GPRC6A: variants seen among roughly 807,000 people sequenced by gnomAD.
GPRC6A encodes the protein G protein-coupled receptor class C group 6 member A.
GPRC6A carries 54 observed loss-of-function variants against 47.0 expected under a neutral mutation model. The observed-to-expected ratio is 1.15, with a 90% CI of 0.92 to 1.44. The LOEUF (loss-of-function observed/expected upper bound fraction) is 1.44. GPRC6A is among the 40% of genes most tolerant of loss of function. The pLI is 0.00. For synonymous variants in GPRC6A, 347 were observed against 377.1 expected (o/e 0.92, Z 0.93); for missense variants, 1,112 against 1,105.5 (o/e 1.01, Z -0.08).
rs1400112696 is a variant in GPRC6A at position 116,800,579 on chromosome 6, G to A, written c.1548+5C>T. Reference sequence around the variant, plus strand: ...GTGCTACAAAACGGCCTACAACAAGGTTACCTTAAGATTCCTGAACTCATT... The same window carrying A: ...GTGCTACAAAACGGCCTACAACAAGATTACCTTAAGATTCCTGAACTCATT... On this transcript the variant is annotated splice_donor_5th_base_variant and intron_variant, in intron 4 of 5. Coordinates refer to ENST00000310357, the MANE Select transcript of GPRC6A (RefSeq NM_148963.4). The A allele has an allele frequency of 5.0e-6, 8 of 1,605,074 alleles. No individual in the cohort carries two copies. The South Asian group carries it at 8.8e-5, about 18-fold the overall frequency.
Position 116,792,921 on chromosome 6 carries a change from C to T in GPRC6A, c.2002G>A (p.Val668Met), listed in dbSNP as rs1198582579. The T allele has an allele frequency of 6.2e-7, 1 of 1,614,100 alleles. No homozygotes were observed. Among genetic ancestry groups the T allele is most frequent in the Admixed American group, 1.7e-5 (1 of 59,982 alleles). Reference protein sequence around the residue: ...TCKTRQTMFGVSFTLCISCIL... With the variant: ...TCKTRQTMFGMSFTLCISCIL... ...CAGGAGATGCAAAGAGTAAAGCTCA[C>T]TCCAAACATTGTCTGCCTGGTTTTA... Residue 668 changes from valine to methionine, a missense_variant, in exon 6 of 6, where the codon GTG becomes ATG. By Grantham distance (21) the Val-to-Met change is conservative. Transcript: ENST00000310357.
intron 1 of GPRC6A, among the ~76,000 whole-genome samples, chr6:116,817,629 T>C (rs1773273148): frequency 6.6e-6 from 1 of 152,014 alleles, no homozygotes; most frequent in Admixed American, 6.6e-5. Flanking sequence ...GTTGAAAACT[T>C]TGAAAAAAAT....
Position 116,818,262 on chromosome 6 carries a change from C to T in GPRC6A, c.195-8645G>A, listed in dbSNP as rs190268585. On this transcript the variant is annotated intron_variant, in intron 1 of 5. Transcript: ENST00000310357. The stretch of plus-strand genomic sequence containing the variant: ...AAAGAAAAGAATTTTCGGCCGGGCG[C>T]GGTGGCTCACGCCTGTAATCCCAGC... Among the ~76,000 whole-genome samples, 687 of 151,918 alleles carry T rather than the reference C, an allele frequency of 4.5e-3. 5 individuals carry two copies. Among genetic ancestry groups the T allele is most frequent in the African/African-American group, 0.016 (645 of 41,454 alleles).
At chr6:116,825,617 T>C (rs1212379876) in intron 1 of GPRC6A, among the ~76,000 whole-genome samples, 2 of 151,896 alleles carry the variant, frequency 1.3e-5, no homozygotes, top group African/African-American at 4.8e-5. Context: ...GAAAAAATAA[T>C]AGTGTTAAAA....
intron 1 of GPRC6A, among the ~76,000 whole-genome samples, chr6:116,818,176 G>A (rs186535827): frequency 0.11 from 17,458 of 151,890 alleles, 1,271 homozygotes; most frequent in African/African-American, 0.21. Flanking sequence ...GACTAACAGC[G>A]GATCTCTCAG....
At chr6:116,803,113 A>G (rs1192890414) in intron 3 of GPRC6A, among the ~76,000 whole-genome samples, 1 of 152,088 alleles carries the variant, frequency 6.6e-6, no homozygotes, top group East Asian at 1.9e-4. Flanking sequence ...CCAGCTTGAC[A>G]AATGACACCA....
rs1773766683 is a variant in GPRC6A at position 116,829,081 on chromosome 6, G to T, written c.-68C>A. On this transcript the variant is annotated 5_prime_UTR_variant, in exon 1 of 6. Coordinates refer to ENST00000310357, the MANE Select transcript of GPRC6A (RefSeq NM_148963.4). ...CATTAAGTGCACGGAGTGCCAGCAA[G>T]ATTCCTATTTCACCTGTAAACACCT... 1 of 1,528,670 alleles carries T rather than the reference G, an allele frequency of 6.5e-7. No homozygotes were observed. The highest frequency in any genetic ancestry group is 1.4e-5 in the African/African-American group (1 of 71,854). 94.7% of individuals were successfully genotyped at this position (1,528,670 alleles called of 1,614,324 possible). A position where few individuals can be genotyped will look rare whatever the true frequency, so the allele number is the denominator to read the frequency against.
chr6:116,825,274 T>C (rs1005513481), intron 1 of GPRC6A, among the ~76,000 whole-genome samples: 3 of 152,018 alleles, frequency 2.0e-5, no homozygotes, highest in Non-Finnish European at 2.9e-5. Context: ...GGCATACACA[T>C]TGAAATAGAG....
rs1356758335 is a variant in GPRC6A at position 116,824,324 on chromosome 6, A to T, written c.194+4496T>A. On this transcript the variant is annotated intron_variant, in intron 1 of 5. Coordinates refer to ENST00000310357, the MANE Select transcript of GPRC6A (RefSeq NM_148963.4). ...TGAAAAGTTGATTCTTCAAAAAGAT[A>T]AAAAAAATTTATAAATCATTAGCTA... 2.6e-5 allele frequency among the ~76,000 whole-genome samples: 4 copies of T among 151,812 alleles called. No individual in the cohort carries two copies. In the East Asian group the frequency reaches 5.8e-4, roughly 22 times the overall value.
At chr6:116,800,423 G>A (rs1244250235) in intron 4 of GPRC6A, among the ~76,000 whole-genome samples, 161 bp downstream of exon 4, 1 of 105,248 alleles carries the variant, frequency 9.5e-6, no homozygotes, top group African/African-American at 3.6e-5. Flanking sequence ...TTCCTCTTTT[G>A]CCAACTTCAG....
chr6:116,818,991 C>T (rs886858840), intron 1 of GPRC6A, among the ~76,000 whole-genome samples: 10 of 151,656 alleles, frequency 6.6e-5, no homozygotes, highest in African/African-American at 2.2e-4. Flanking sequence ...CACATAGGCT[C>T]AAAATAAAAG....
At position 116,800,739 on chromosome 6, in the gene GPRC6A, C is replaced by T; in HGVS notation, c.1393G>A (p.Asp465Asn). ...FTDGWNSFHF[D>N]AHGDLNTGYD... ...CCAGTATTTAAATCCCCGTGAGCAT[C>T]AAAATGAAATGAATTCCATCCATCA... Residue 465 changes from aspartate (D) to asparagine (N), a missense_variant, in exon 4 of 6, where the codon GAT (aspartate) becomes AAT (asparagine). Asp to Asn is a conservative substitution (Grantham distance 23, BLOSUM62 1). Coordinates refer to ENST00000310357, the MANE Select transcript of GPRC6A (RefSeq NM_148963.4). 21 of 1,611,492 alleles carry T rather than the reference C, an allele frequency of 1.3e-5. No individual in the cohort carries two copies. Among genetic ancestry groups the T allele is most frequent in the Non-Finnish European group, 1.7e-5 (20 of 1,178,184 alleles).
chr6:116,798,190 A>C (rs981992682), intron 4 of GPRC6A, among the ~76,000 whole-genome samples: 1 of 151,956 alleles, frequency 6.6e-6, no homozygotes, highest in African/African-American at 2.4e-5. Context: ...AAAAATAAGG[A>C]TAGGACAGTG....
At chr6:116,817,284 T>A (rs200019810) in intron 1 of GPRC6A, among the ~76,000 whole-genome samples, 2 of 151,518 alleles carry the variant, frequency 1.3e-5, no homozygotes, top group African/African-American at 4.9e-5. Flanking sequence ...CACACTGACA[T>A]CTCACACGGC....
chr6:116,806,323 G>C (rs746745050), intron 3 of GPRC6A, 47 bp downstream of exon 3: 16 of 1,200,476 alleles, frequency 1.3e-5, no homozygotes, highest in Admixed American at 2.1e-5. Context: ...GGAGGAAATG[G>C]GGAAAATGAT....
In GPRC6A at chr6:116,809,522, T is replaced by C; in HGVS notation, c.290A>G (p.Tyr97Cys). Residue 97 changes from tyrosine to cysteine, a missense_variant, in exon 2 of 6, where the codon TAT (tyrosine) becomes TGT (cysteine). Transcript: ENST00000310357. ...TTCTGTACAAGTGTCATAGATTTCATACCCCAGTTTGACTCCAGGTAAGAG... is the reference window on the plus strand; with the variant it reads ...TTCTGTACAAGTGTCATAGATTTCACACCCCAGTTTGACTCCAGGTAAGAG... ...STLLPGVKLG[Y>C]EIYDTCTEVT... 6.2e-7 allele frequency: 1 copy of C among 1,613,202 alleles called. No homozygotes were observed. The highest frequency in any genetic ancestry group is 8.5e-7 in the Non-Finnish European group (1 of 1,179,302).
chr6:116,828,928 GC>G lies in GPRC6A; in HGVS notation c.85del (p.Ala29LeufsTer9). Reference protein sequence around the residue: ...QPCQTPDDFVAATSPGHIIIG... With the variant: ...QPCQTPDDFVXATSPGHIIIG... Reference sequence around the variant, plus strand: ...TATGATATGTCCCGGAGAAGTGGCAGCCACAAAGTCATCAGGGGTCTGGCAA... The same window carrying G: ...TATGATATGTCCCGGAGAAGTGGCAGCACAAAGTCATCAGGGGTCTGGCAA... On this transcript the variant is annotated frameshift_variant, in exon 1 of 6. Transcript: ENST00000310357. LOFTEE classifies it high-confidence loss of function. 1 of 1,613,304 alleles carries G rather than the reference GC, an allele frequency of 6.2e-7. No homozygotes were observed. Among genetic ancestry groups the G allele is most frequent in the Non-Finnish European group, 8.5e-7 (1 of 1,179,532 alleles).
rs770973324 is a variant in GPRC6A, at chr6:116,806,836, G to T, written c.869C>A (p.Ala290Asp). The stretch of plus-strand genomic sequence containing the variant: ...CATCTTATTTATATTCATTTCAATG[G>T]CTTTATTGAAGAGATCAAAAACATG... ...QFHVFDLFNK[A>D]IEMNINKMWI... Residue 290 changes from alanine (A) to aspartate (D), a missense_variant, in exon 3 of 6, where the codon GCC (alanine) becomes GAC (aspartate). Ala to Asp is a moderately radical substitution (Grantham distance 126). Transcript: ENST00000310357. 3 of 1,611,790 alleles carry T rather than the reference G, an allele frequency of 1.9e-6. No homozygotes were observed. Among genetic ancestry groups the T allele is most frequent in the Non-Finnish European group, 2.5e-6 (3 of 1,178,218 alleles).
chr6:116,800,006 T>C (rs1353762985), intron 4 of GPRC6A, among the ~76,000 whole-genome samples: 1 of 151,998 alleles, frequency 6.6e-6, no homozygotes, highest in East Asian at 1.9e-4. Flanking sequence ...TAGAGTTAAC[T>C]GAAATGAGAA....
Sources: allele counts gnomAD v4.1 joint callset (sites outside exome capture counted in the v4.1 genomes callset), GRCh38; gene constraint gnomAD v4.1.1; transcripts MANE v1.5; gene names NCBI Gene and HGNC (gene_info 2026-07-23, HGNC 2026-07-21).